The following TES variants were observed in gnomAD, a reference collection of about 807,000 sequenced individuals.
TES encodes the protein testin LIM domain protein.
Under a neutral mutation model 48.2 loss-of-function variants are expected in TES, and 41 were observed. The ratio of observed to expected loss-of-function variants is 0.85; its 90% CI spans 0.66 to 1.10. TES has a LOEUF of 1.10. Among genes scored for constraint, TES ranks in the 50% least tolerant of loss-of-function variants. The pLI is 0.00. For missense variants in TES, 463 were observed against 515.1 expected, an observed-to-expected ratio of 0.90 and a Z score of 0.98; for synonymous variants, 162 against 174.9, an observed-to-expected ratio of 0.93 and a Z score of 0.58.
At chr7:116,242,728 A>C (rs909307144) in intron 2 of TES, among the ~76,000 whole-genome samples, 2 of 152,132 alleles carry the variant, frequency 1.3e-5, no homozygotes, top group African/African-American at 4.8e-5. Context: ...GATTTATATT[A>C]ATTTTAAATT....
chr7:116,254,982 C>A (rs1180263537), intron 6 of TES: 1 of 147,350 alleles, frequency 6.8e-6, no homozygotes, highest in East Asian at 2.1e-4. Flanking sequence ...CATTGATCTG[C>A]TTAGATCTTT....
chr7:116,215,500 A>T (rs1040360547), intron 1 of TES, among the ~76,000 whole-genome samples: 1 of 152,186 alleles, frequency 6.6e-6, no homozygotes, highest in Non-Finnish European at 1.5e-5. Context: ...ACGAAAAGTA[A>T]AAGTATTGTG....
intron 1 of TES, among the ~76,000 whole-genome samples, 174 bp from the exon 2 acceptor site, chr7:116,234,360 T>A (rs558748348): frequency 2.6e-5 from 4 of 152,346 alleles, no homozygotes; most frequent in African/African-American, 9.6e-5. Flanking sequence ...AAATATGTTA[T>A]GTATGTACTT....
chr7:116,257,092 G>A (rs1470073895), intron 6 of TES, among the ~76,000 whole-genome samples: 5 of 152,250 alleles, frequency 3.3e-5, no homozygotes, highest in South Asian at 4.1e-4. Flanking sequence ...GCCTTCACTC[G>A]TTATTTCTCA....
intron 2 of TES, among the ~76,000 whole-genome samples, chr7:116,235,632 A>G (rs574078007): frequency 2.2e-4 from 34 of 152,340 alleles, no homozygotes; most frequent in East Asian, 3.9e-4. Context: ...ATGACTGTCA[A>G]GTCCATAGTG....
intron 2 of TES, among the ~76,000 whole-genome samples, chr7:116,234,950 TTAC>T (rs1799748808): frequency 6.7e-6 from 1 of 149,628 alleles, no homozygotes; most frequent in Admixed American, 6.7e-5. Flanking sequence ...AATTTATTTG[TTAC>T]TTTTTTTTTG....
intron 2 of TES, among the ~76,000 whole-genome samples, chr7:116,244,222 C>A (rs888291892): frequency 6.6e-6 from 1 of 152,190 alleles, no homozygotes; most frequent in Non-Finnish European, 1.5e-5. Flanking sequence ...TAACTCACTC[C>A]AGCATTAACT....
At position 116,250,505 on chromosome 7, in the gene TES, A is replaced by G; in HGVS notation, c.702+9A>G. ...ACAAAAGAACTCAATATGTAAGTAG[A>G]GTGGTCACACTGTTAGCCTGATTTG... On this transcript the variant is annotated intron_variant, in intron 4 of 6. Coordinates refer to ENST00000358204, the MANE Select transcript of TES (RefSeq NM_015641.4). The G allele has an allele frequency of 4.0e-6, 6 of 1,509,906 alleles. No homozygotes were observed. The South Asian group carries it at 6.9e-5, about 17-fold the overall frequency. The allele number at this position is 1,509,906 out of a possible 1,614,324, so 93.5% of individuals were successfully genotyped here.
At chr7:116,232,609 A>C (rs1221674657) in intron 1 of TES, among the ~76,000 whole-genome samples, 1 of 152,198 alleles carries the variant, frequency 6.6e-6, no homozygotes, top group Non-Finnish European at 1.5e-5. Context: ...TGGAGAAAAC[A>C]TGTAACTATG....
intron 2 of TES, among the ~76,000 whole-genome samples, chr7:116,242,060 G>T (rs1799855494): frequency 6.6e-6 from 1 of 151,864 alleles, no homozygotes; most frequent in African/African-American, 2.4e-5. Context: ...TATTCATGTT[G>T]TACTGGTGTA....
chr7:116,257,226 C>T, intron 6 of TES, 68 bp from the exon 7 acceptor site: 1 of 1,424,106 alleles, frequency 7.0e-7, no homozygotes, highest in Non-Finnish European at 9.5e-7. Flanking sequence ...AGAAATATGT[C>T]CTAAGATGAA....
Position 116,257,537 on chromosome 7 carries a change from T to C in TES, c.*55T>C. 1 of 1,280,502 alleles carries C rather than the reference T, an allele frequency of 7.8e-7. No individual in the cohort carries two copies. The highest frequency in any genetic ancestry group is 1.0e-6 in the Non-Finnish European group (1 of 980,938). The allele number at this position is 1,280,502 out of a possible 1,614,324, so 79.3% of individuals were successfully genotyped here. A position where few individuals can be genotyped will look rare whatever the true frequency, so the allele number is the denominator to read the frequency against. On this transcript the variant is annotated 3_prime_UTR_variant, in exon 7 of 7. Transcript: ENST00000358204. ...AGCTATCCAAAGTGGTCTGCATTTC[T>C]ACTGTAAAATGCAATTTGAAAAAAA...
At chr7:116,249,885 C>A in intron 3 of TES, 1 of 286,724 alleles carries the variant, frequency 3.5e-6, no homozygotes, top group East Asian at 5.9e-5. Flanking sequence ...TTCAATTGTA[C>A]ATTTGTTTAT....
At chr7:116,217,145 G>A (rs1337595574) in intron 1 of TES, among the ~76,000 whole-genome samples, 1 of 152,108 alleles carries the variant, frequency 6.6e-6, no homozygotes, top group Non-Finnish European at 1.5e-5. Context: ...CTCTTGATAG[G>A]TTAGCAGTAC....
At chr7:116,224,015 A>G (rs1291266924) in intron 1 of TES, among the ~76,000 whole-genome samples, 1 of 152,224 alleles carries the variant, frequency 6.6e-6, no homozygotes, top group African/African-American at 2.4e-5. Flanking sequence ...GGCAGAAGCA[A>G]TGGCATCACT....
chr7:116,256,836 T>C (rs1800106684), intron 6 of TES, among the ~76,000 whole-genome samples: 1 of 152,258 alleles, frequency 6.6e-6, no homozygotes, highest in African/African-American at 2.4e-5. Flanking sequence ...ACTTTGAACA[T>C]GATTTTAATT....
At chr7:116,239,458 A>C (rs1251136858) in intron 2 of TES, among the ~76,000 whole-genome samples, 1 of 152,248 alleles carries the variant, frequency 6.6e-6, no homozygotes, top group African/African-American at 2.4e-5. Flanking sequence ...TTATTTTATT[A>C]TGTATGAGAA....
chr7:116,212,394 A>G (rs1309375409), intron 1 of TES, among the ~76,000 whole-genome samples: 2 of 152,186 alleles, frequency 1.3e-5, no homozygotes, highest in East Asian at 3.9e-4. Context: ...AATGTAAACT[A>G]TGTATGTTGG....
intron 1 of TES, chr7:116,217,881 T>TA: frequency 1.9e-6 from 1 of 515,338 alleles, no homozygotes; most frequent in Non-Finnish European, 3.9e-6. Context: ...CCTGTCTACC[T>TA]AACATTCTAG....
Sources: allele counts gnomAD v4.1 joint callset (sites outside exome capture counted in the v4.1 genomes callset), GRCh38; gene constraint gnomAD v4.1.1; transcripts MANE v1.5; gene names NCBI Gene and HGNC (gene_info 2026-07-23, HGNC 2026-07-21).